Variants in ZNF287 observed in about 807,000 individuals in gnomAD.
The protein encoded by ZNF287 is zinc finger protein with KRAB and SCAN domains 13.
ZNF287 carries 31 observed loss-of-function variants against 73.7 expected under a neutral mutation model. The observed-to-expected ratio is 0.42, with a 90% CI of 0.32 to 0.57. The LOEUF is 0.57. Among genes scored for constraint, ZNF287 ranks in the 20% least tolerant of loss-of-function variants. ZNF287 has a pLI of 0.13. For synonymous variants in ZNF287, 301 were observed against 307.2 expected (o/e 0.98, Z 0.21); for missense variants, 641 against 909.3 (o/e 0.70, Z 3.79).
At chr17:16,560,308 G>GTATATATATATATATATATATA (rs1491315982) in intron 5 of ZNF287, among the ~76,000 whole-genome samples, 1 of 137,314 alleles carries the variant, frequency 7.3e-6, no homozygotes, top group African/African-American at 2.7e-5. Context: ...GTCAACAGTG[G>GTATATATATATATATATATATA]TGTATATATA....
intron 5 of ZNF287, among the ~76,000 whole-genome samples, chr17:16,560,236 A>G (rs1391847173): frequency 6.6e-6 from 1 of 151,572 alleles, no homozygotes; most frequent in African/African-American, 2.4e-5. Context: ...TGCTGGGATT[A>G]CAGGAGTAAG....
chr17:16,561,993 T>A (rs1907477645), intron 5 of ZNF287, among the ~76,000 whole-genome samples: 1 of 152,136 alleles, frequency 6.6e-6, no homozygotes, highest in Non-Finnish European at 1.5e-5. Context: ...TATTTAGGGG[T>A]TGTCTTGATG....
chr17:16,553,197 A>G lies in ZNF287; in HGVS notation c.945T>C (p.Asp315=), dbSNP rs1251653996. The G allele has an allele frequency of 6.2e-6, 10 of 1,600,082 alleles. No homozygotes were observed. Among genetic ancestry groups the G allele is most frequent in the Non-Finnish European group, 8.6e-6 (10 of 1,167,756 alleles). Residue 315 remains aspartate, a synonymous_variant, in exon 6 of 6, where the codon GAT becomes GAC. Coordinates refer to ENST00000395825, the MANE Select transcript of ZNF287 (RefSeq NM_020653.4). ...GCTTTTCAAAATTATTTCTATATAT[A>G]TCATATTTACTAAGACATTCTTCTG... The part of the protein sequence containing the change: ...DPTEECLSKY[D]IYRNNFEKHS...
chr17:16,566,639 G>C lies in ZNF287; in HGVS notation c.404-17C>G. ...TTTGAGGAGCTAGAGAAGAGAAAGA[G>C]GTCATGAGGGAGATTAGTCCTTTCT... On this transcript the variant is annotated splice_polypyrimidine_tract_variant and intron_variant, in intron 2 of 5. Transcript: ENST00000395825. 5 of 1,587,918 alleles carry C rather than the reference G, an allele frequency of 3.1e-6. No individual in the cohort carries two copies. The highest frequency in any genetic ancestry group is 4.3e-6 in the Non-Finnish European group (5 of 1,160,018).
At chr17:16,563,900 T>C in intron 3 of ZNF287, 75 bp from the exon 4 acceptor site, 1 of 1,526,628 alleles carries the variant, frequency 6.6e-7, no homozygotes, top group Non-Finnish European at 8.9e-7. Flanking sequence ...TGGGTATATG[T>C]ATGGTGGGGG....
intron 5 of ZNF287, among the ~76,000 whole-genome samples, chr17:16,560,499 A>G (rs929239160): frequency 7.3e-5 from 11 of 150,126 alleles, no homozygotes; most frequent in East Asian, 6.2e-4. Flanking sequence ...ACAGGCACCC[A>G]CCACCACGCC....
Position 16,553,349 on chromosome 17 carries a change from T to A in ZNF287, c.793A>T (p.Lys265Ter). 6.2e-7 allele frequency: 1 copy of A among 1,612,900 alleles called. No homozygotes were observed. The highest frequency in any genetic ancestry group is 8.5e-7 in the Non-Finnish European group (1 of 1,179,392). Residue 265 changes from lysine (K) to a stop codon, truncating the protein, a stop_gained, in exon 6 of 6, where the codon AAA becomes TAA. Transcript: ENST00000395825. LOFTEE classifies it high-confidence loss of function. The part of the protein sequence containing the change: ...KLTKEETHTI[K>*]LEDSYDYDDR... ...TCGTAGTCATATGAGTCTTCTAATT[T>A]GATGGTATGGGTTTCTTCCTTTGTG...
intron 5 of ZNF287, among the ~76,000 whole-genome samples, chr17:16,561,546 A>T (rs1054447451): frequency 6.6e-6 from 1 of 152,188 alleles, no homozygotes; most frequent in Non-Finnish European, 1.5e-5. Flanking sequence ...GATGAGATGA[A>T]TTACCATTAT....
chr17:16,559,572 A>ACAC (rs1555899603), intron 5 of ZNF287, among the ~76,000 whole-genome samples: 3 of 147,390 alleles, frequency 2.0e-5, no homozygotes, highest in South Asian at 2.2e-4. Flanking sequence ...TAAAAGAACT[A>ACAC]ACACACACAC....
intron 3 of ZNF287, among the ~76,000 whole-genome samples, chr17:16,565,387 CA>C (rs895660010): frequency 7.3e-5 from 11 of 150,952 alleles, no homozygotes; most frequent in African/African-American, 2.7e-4. Flanking sequence ...ATACTGGAGG[CA>C]TTTTTTTCAT....
chr17:16,566,114 A>G (rs1281616164), intron 3 of ZNF287, among the ~76,000 whole-genome samples: 1 of 152,262 alleles, frequency 6.6e-6, no homozygotes, highest in Non-Finnish European at 1.5e-5. Context: ...CAGGCTAACT[A>G]CAAGTCTCAT....
rs995790853 is a variant in ZNF287, at chr17:16,563,795, C to G, written c.532G>C (p.Asp178His). The change falls in exon 4 of 6, where the codon GAC (aspartate) becomes CAC (histidine). Residue 178 changes from aspartate (D) to histidine (H), a missense_variant. This residue lies in a region of ZNF287 where 357 missense variants were observed against 442.4 expected (regional missense o/e 0.81). Transcript: ENST00000395825. ...ESMTFKDVAV[D>H]ITQEDWELMR... ...AACTCCCAGTCCTCCTGGGTGATGT[C>G]TACAGCCACATCTTTGAATGTCATC... 4.3e-6 allele frequency: 7 copies of G among 1,613,762 alleles called. No individual in the cohort carries two copies. The highest frequency in any genetic ancestry group is 1.6e-4 in the Middle Eastern group (1 of 6,082).
Position 16,567,790 on chromosome 17 carries a change from C to A in ZNF287, c.-59G>T, listed in dbSNP as rs977986894. On this transcript the variant is annotated 5_prime_UTR_variant, in exon 2 of 6. Coordinates refer to ENST00000395825, the MANE Select transcript of ZNF287 (RefSeq NM_020653.4). Reference sequence around the variant, plus strand: ...CTTTATTTCTCCAGTAGTGAGCCAACTGCTTGAAGTCTCATGCTAGAGTCA... The same window carrying A: ...CTTTATTTCTCCAGTAGTGAGCCAAATGCTTGAAGTCTCATGCTAGAGTCA... 15 of 1,537,524 alleles carry A rather than the reference C, an allele frequency of 9.8e-6. No homozygotes were observed. Among genetic ancestry groups the A allele is most frequent in the Non-Finnish European group, 1.0e-5 (12 of 1,147,314 alleles).
chr17:16,557,847 C>T (rs969973339), intron 5 of ZNF287: 1 of 152,222 alleles, frequency 6.6e-6, no homozygotes, highest in African/African-American at 2.4e-5. Flanking sequence ...ACCCCAAAAC[C>T]TCACCTCTAA....
In ZNF287 at chr17:16,548,466, A is replaced by G. The variant is rs894170783; in HGVS notation, c.*3390T>C. Among the ~76,000 whole-genome samples the G allele has an allele frequency of 2.6e-5, 4 of 152,174 alleles. No individual in the cohort carries two copies. The highest frequency in any genetic ancestry group is 9.7e-5 in the African/African-American group (4 of 41,430). On this transcript the variant is annotated 3_prime_UTR_variant, in exon 6 of 6. Coordinates refer to ENST00000395825, the MANE Select transcript of ZNF287 (RefSeq NM_020653.4). Reference sequence around the variant, plus strand: ...GTAAATAATCAGTTGAATCCTGAACATGAGACATTTTTCAAGACAACTGAC... The same window carrying G: ...GTAAATAATCAGTTGAATCCTGAACGTGAGACATTTTTCAAGACAACTGAC...
rs137989045 is a variant in ZNF287 at position 16,556,165 on chromosome 17, G to GACACACACACACACACACACACAC, written c.716-2763_716-2740dup. Among the ~76,000 whole-genome samples the GACACACACACACACACACACACAC allele has an allele frequency of 3.2e-4, 46 of 144,312 alleles. 1 individual carries two copies. Among genetic ancestry groups the GACACACACACACACACACACACAC allele is most frequent in the African/African-American group, 1.1e-3 (44 of 39,752 alleles). 94.7% of individuals were successfully genotyped at this position (144,312 alleles called of 152,430 possible). The stretch of plus-strand genomic sequence containing the variant: ...GCTATTTGTGTTACAGACAGACACA[G>GACACACACACACACACACACACAC]ACACACACACACACACACACACACA... On this transcript the variant is annotated intron_variant, in intron 5 of 5. Transcript: ENST00000395825.
At chr17:16,566,411 G>A in intron 3 of ZNF287, 114 bp downstream of exon 3, 1 of 769,904 alleles carries the variant, frequency 1.3e-6, no homozygotes, top group Non-Finnish European at 2.1e-6. Context: ...AGAGAAACTG[G>A]GGCTTAAGTC....
rs1907814542 is a variant in ZNF287, at chr17:16,567,416, T to C, written c.316A>G (p.Arg106Gly). 6.2e-7 allele frequency: 1 copy of C among 1,614,204 alleles called. No individual in the cohort carries two copies. Among genetic ancestry groups the C allele is most frequent in the Non-Finnish European group, 8.5e-7 (1 of 1,180,038 alleles). ...GGATACTGGGACTTTACCCAAGTCC[T>C]AACCTCACCAGGCAGGATGGTCAGG... The part of the protein sequence containing the change: ...QFLTILPGEV[R>G]TWVKSQYPES... The change falls in exon 2 of 6, where the codon AGG (arginine) becomes GGG (glycine). Residue 106 changes from arginine (R) to glycine (G), a missense_variant. This residue lies in a region of ZNF287 where 357 missense variants were observed against 442.4 expected (regional missense o/e 0.81). Transcript: ENST00000395825.
chr17:16,563,042 G>T, intron 5 of ZNF287, 104 bp downstream of exon 5: 1 of 826,270 alleles, frequency 1.2e-6, no homozygotes, highest in Non-Finnish European at 2.0e-6. Context: ...AGGCTAGAAT[G>T]CCTTTGCAAA....
Sources: allele counts gnomAD v4.1 joint callset (sites outside exome capture counted in the v4.1 genomes callset), GRCh38; gene constraint gnomAD v4.1.1; regional missense constraint gnomAD v4.1.1; transcripts MANE v1.5; gene names NCBI Gene and HGNC (gene_info 2026-07-23, HGNC 2026-07-21).